STX5: variants seen among roughly 807,000 people sequenced by gnomAD.
STX5 encodes syntaxin-5.
In STX5, 15 loss-of-function variants were observed where a neutral mutation model predicts 42.9. The observed-to-expected ratio is 0.35, with a 90% confidence interval of 0.23 to 0.54. STX5 has a LOEUF of 0.54. STX5 is among the 20% of genes least tolerant of loss of function. The pLI is 0.91. For missense variants in STX5, 430 were observed against 455.0 expected (o/e 0.95, Z 0.50); for synonymous variants, 184 against 173.2 (o/e 1.06, Z -0.49).
intron 10 of STX5, among the ~76,000 whole-genome samples, chr11:62,808,667 G>A (rs753632564): frequency 3.3e-5 from 5 of 152,216 alleles, no homozygotes; most frequent in Admixed American, 6.5e-5. Context: ...TGGGACTTGC[G>A]GATGCATGGA....
chr11:62,827,008 C>G (rs983680522), intron 5 of STX5, 147 bp downstream of exon 5: 1 of 680,484 alleles, frequency 1.5e-6, no homozygotes, highest in African/African-American at 1.8e-5. Context: ...CTAGGTCACA[C>G]CACTACACTC....
At chr11:62,822,155 G>A (rs1429153322) in intron 10 of STX5, among the ~76,000 whole-genome samples, 1 of 152,188 alleles carries the variant, frequency 6.6e-6, no homozygotes, top group Non-Finnish European at 1.5e-5. Context: ...TGGAGGCCAG[G>A]AGTCCAAGAC....
intron 10 of STX5, among the ~76,000 whole-genome samples, chr11:62,813,910 C>G (rs893297182): frequency 1.3e-5 from 2 of 152,170 alleles, no homozygotes; most frequent in Non-Finnish European, 2.9e-5. Context: ...CTTTCACCTT[C>G]TCAAGGACAT....
At chr11:62,815,285 C>A (rs887165270) in intron 10 of STX5, among the ~76,000 whole-genome samples, 1 of 151,982 alleles carries the variant, frequency 6.6e-6, no homozygotes, top group Non-Finnish European at 1.5e-5. Flanking sequence ...GGATTACAGG[C>A]ATGAGCCACC....
intron 10 of STX5, 79 bp from the exon 11 acceptor site, chr11:62,807,707 T>C (rs1232314960): frequency 6.4e-7 from 1 of 1,571,138 alleles, no homozygotes; most frequent in Non-Finnish European, 8.7e-7. Context: ...TTTATTGACA[T>C]GGAAAGATGG....
chr11:62,809,149 A>T (rs571907031), intron 10 of STX5, among the ~76,000 whole-genome samples: 1 of 151,570 alleles, frequency 6.6e-6, no homozygotes. Context: ...TTAGCCGGGC[A>T]TGGTGGCGGG....
rs750783064 is a variant in STX5, at chr11:62,824,189, C to T, written c.885G>A (p.Lys295=). The T allele has an allele frequency of 3.1e-6, 5 of 1,614,058 alleles. No individual in the cohort carries two copies. The highest frequency in any genetic ancestry group is 4.2e-6 in the Non-Finnish European group (5 of 1,180,038). ...ACCTCTGAATGGTTTCCTCCTGTTC[C>T]TTAACCATGTGTGCCAACTGCTGAA... ...SIFQQLAHMV[K]EQEETIQRID... Residue 295 remains lysine, a synonymous_variant, in exon 10 of 11, where the codon AAG becomes AAA. Coordinates refer to ENST00000294179, the MANE Select transcript of STX5 (RefSeq NM_003164.5).
intron 10 of STX5, among the ~76,000 whole-genome samples, chr11:62,812,841 G>A (rs909513529): frequency 2.6e-5 from 4 of 151,744 alleles, no homozygotes; most frequent in Non-Finnish European, 4.4e-5. Flanking sequence ...GGCCGGGTGC[G>A]GTGGCTCACG....
In STX5 at chr11:62,825,287, G is replaced by T. The variant is rs890908006; in HGVS notation, c.593C>A (p.Thr198Lys). Residue 198 changes from threonine (T) to lysine (K), a missense_variant, in exon 7 of 11, where the codon ACA becomes AAA. By Grantham distance (78) the Thr-to-Lys change is moderately conservative. Transcript: ENST00000294179. Reference protein sequence around the residue: ...NDFKSVLEVRTENLKQQRSRR... With the variant: ...NDFKSVLEVRKENLKQQRSRR... Reference sequence around the variant, plus strand: ...TCCTACGCAGATTGTTCTCACCTCTGTCCTCACTTCTAAAACCGATTTGAA... The same window carrying T: ...TCCTACGCAGATTGTTCTCACCTCTTTCCTCACTTCTAAAACCGATTTGAA... 6.2e-7 allele frequency: 1 copy of T among 1,614,108 alleles called. No individual in the cohort carries two copies.
At chr11:62,817,182 C>T (rs1409191140) in intron 10 of STX5, among the ~76,000 whole-genome samples, 1 of 152,018 alleles carries the variant, frequency 6.6e-6, no homozygotes, top group Non-Finnish European at 1.5e-5. Context: ...CCTGCCTCAG[C>T]CTCCCAAAGT....
At chr11:62,830,086 AG>A (rs1428744533) in intron 2 of STX5, among the ~76,000 whole-genome samples, 8 of 146,334 alleles carry the variant, frequency 5.5e-5, no homozygotes, top group African/African-American at 2.0e-4. Context: ...AAAAAAAAAA[AG>A]AGAGAGAGGA....
chr11:62,830,818 C>T (rs2084848203), intron 2 of STX5, among the ~76,000 whole-genome samples: 1 of 151,906 alleles, frequency 6.6e-6, no homozygotes, highest in Non-Finnish European at 1.5e-5. Context: ...GGATTCCTCA[C>T]AAAAAAAAGT....
At chr11:62,819,446 C>G (rs2084714596) in intron 10 of STX5, among the ~76,000 whole-genome samples, 1 of 151,628 alleles carries the variant, frequency 6.6e-6, no homozygotes, top group Non-Finnish European at 1.5e-5. Context: ...GAATGAAGAA[C>G]ACTGAAGATG....
chr11:62,826,094 A>C (rs2084792731), intron 5 of STX5, among the ~76,000 whole-genome samples: 1 of 152,182 alleles, frequency 6.6e-6, no homozygotes, highest in South Asian at 2.1e-4. Context: ...CTCTACTAAA[A>C]ATACCAAAAA....
chr11:62,819,078 G>A (rs1243370019), intron 10 of STX5, among the ~76,000 whole-genome samples: 13 of 149,988 alleles, frequency 8.7e-5, no homozygotes, highest in African/African-American at 1.7e-4. Context: ...AAAATTAGCC[G>A]GGCATGGTGG....
At chr11:62,825,198 G>A in intron 7 of STX5, 81 bp from the exon 8 acceptor site, 1 of 1,610,830 alleles carries the variant, frequency 6.2e-7, no homozygotes, top group South Asian at 1.1e-5. Flanking sequence ...TTGGCCCCAT[G>A]ACCCTGTAGA....
rs377507674 is a variant in STX5, at chr11:62,827,544, A to T, written c.296+17T>A. The T allele has an allele frequency of 1.2e-6, 2 of 1,614,000 alleles. No homozygotes were observed. Among genetic ancestry groups the T allele is most frequent in the African/African-American group, 2.7e-5 (2 of 74,916 alleles). ...CAGACACTGTATCACCCCACCAGAA[A>T]GCTTCTCTCAACTCACTTGGCCATG... is the stretch of plus-strand genomic sequence containing the variant. On this transcript the variant is annotated intron_variant, in intron 3 of 10. Transcript: ENST00000294179.
At chr11:62,823,022 C>T (rs1226923803) in intron 10 of STX5, among the ~76,000 whole-genome samples, 1 of 152,130 alleles carries the variant, frequency 6.6e-6, no homozygotes, top group African/African-American at 2.4e-5. Context: ...TGAGACTGTC[C>T]CATCACAAGG....
intron 5 of STX5, 64 bp from the exon 6 acceptor site, chr11:62,825,603 C>T (rs1196183924): frequency 4.3e-6 from 6 of 1,400,682 alleles, no homozygotes; most frequent in African/African-American, 1.4e-5. Flanking sequence ...GCATCTCTCA[C>T]GATGGCCATC....
Sources: gnomAD v4.1 joint callset for allele counts (sites outside exome capture counted in the v4.1 genomes callset) on GRCh38, gnomAD v4.1.1 for gene constraint, MANE v1.5 for transcripts, NCBI Gene and HGNC (gene_info 2026-07-23, HGNC 2026-07-21) for gene names.